The following SORCS2 variants were observed in gnomAD, a reference collection of about 807,000 sequenced individuals.
The protein encoded by SORCS2 is sortilin related VPS10 domain containing receptor 2.
A neutral mutation model predicts 141.6 loss-of-function variants in SORCS2; 100 were observed. That is an observed-to-expected ratio of 0.71 (90% confidence interval 0.60 to 0.83). The LOEUF (loss-of-function observed/expected upper bound fraction) is 0.83. SORCS2 is among the 40% of genes least tolerant of loss of function. The pLI is 0.00. For missense variants in SORCS2, 1,646 were observed against 1,560.2 expected, an observed-to-expected ratio of 1.05 and a Z score of -0.93; for synonymous variants, 789 against 676.9, an observed-to-expected ratio of 1.17 and a Z score of -2.57.
At chr4:7,656,299 C>T (rs139947412) in intron 5 of SORCS2, among the ~76,000 whole-genome samples, 5 of 152,094 alleles carry the variant, frequency 3.3e-5, no homozygotes, top group East Asian at 1.9e-4. Flanking sequence ...CGCGGGTACC[C>T]GCCCCCCACC....
At chr4:7,278,326 C>T (rs1172011098) in intron 1 of SORCS2, among the ~76,000 whole-genome samples, 1 of 152,220 alleles carries the variant, frequency 6.6e-6, no homozygotes, top group Non-Finnish European at 1.5e-5. Context: ...GACGAGTTCA[C>T]TGAGCGTGAC....
intron 1 of SORCS2, among the ~76,000 whole-genome samples, chr4:7,217,242 G>A (rs1177305079): frequency 6.6e-6 from 1 of 152,102 alleles, no homozygotes; most frequent in African/African-American, 2.4e-5. Flanking sequence ...CCTTTCTGGC[G>A]CTTGCCCCAC....
At chr4:7,640,040 TGTGTGAGA>T (rs1230942621) in intron 4 of SORCS2, among the ~76,000 whole-genome samples, 3 of 130,060 alleles carry the variant, frequency 2.3e-5, no homozygotes, top group East Asian at 2.3e-3. Flanking sequence ...TGAGTGTGCA[TGTGTGAGA>T]GTGTGAGTGT....
intron 2 of SORCS2, among the ~76,000 whole-genome samples, chr4:7,465,086 A>G (rs1729537940): frequency 6.6e-6 from 1 of 152,180 alleles, no homozygotes; most frequent in Admixed American, 6.5e-5. Context: ...TGAAGTGAGG[A>G]CAGTATTAGC....
At chr4:7,565,571 T>C (rs1299002800) in intron 3 of SORCS2, among the ~76,000 whole-genome samples, 2 of 152,142 alleles carry the variant, frequency 1.3e-5, no homozygotes, top group East Asian at 3.9e-4. Flanking sequence ...ATCACGATGA[T>C]GATGGTGATG....
intron 2 of SORCS2, among the ~76,000 whole-genome samples, chr4:7,410,944 C>G (rs1249941992): frequency 3.6e-5 from 5 of 137,036 alleles, no homozygotes; most frequent in Admixed American, 1.6e-4. Context: ...CCTCTTCTCT[C>G]CATCCTTTTT....
chr4:7,739,758 A>ACACCCGGCT (rs1306621906), intron 26 of SORCS2, among the ~76,000 whole-genome samples: 1 of 152,052 alleles, frequency 6.6e-6, no homozygotes, highest in African/African-American at 2.4e-5. Flanking sequence ...CCCACCCGGG[A>ACACCCGGCT]CACCCGGCTC....
At chr4:7,277,654 C>T (rs1715590637) in intron 1 of SORCS2, among the ~76,000 whole-genome samples, 1 of 130,222 alleles carries the variant, frequency 7.7e-6, no homozygotes, top group African/African-American at 2.9e-5. Flanking sequence ...CGGAACACCA[C>T]TCCCTCCGGA....
chr4:7,261,673 CG>C (rs1296917036), intron 1 of SORCS2, among the ~76,000 whole-genome samples: 14 of 152,324 alleles, frequency 9.2e-5, no homozygotes, highest in African/African-American at 3.4e-4. Context: ...TACAGCAGAT[CG>C]GGAATCAGGC....
At chr4:7,706,991 C>T (rs369856970) in intron 14 of SORCS2, among the ~76,000 whole-genome samples, 11 of 152,186 alleles carry the variant, frequency 7.2e-5, no homozygotes, top group Admixed American at 2.0e-4. Context: ...CCTCAACCAG[C>T]TCTGCTGCTT....
intron 1 of SORCS2, among the ~76,000 whole-genome samples, chr4:7,326,512 C>G (rs1056867731): frequency 6.6e-6 from 1 of 152,202 alleles, no homozygotes; most frequent in Non-Finnish European, 1.5e-5. Context: ...GGCATGGGAA[C>G]CTTGCCGAGG....
intron 2 of SORCS2, among the ~76,000 whole-genome samples, chr4:7,443,246 G>A (rs918327108): frequency 9.2e-5 from 14 of 152,180 alleles, no homozygotes; most frequent in Admixed American, 3.9e-4. Flanking sequence ...GATTCTGGGC[G>A]CTGGTGACCT....
At chr4:7,273,697 G>A (rs1174998628) in intron 1 of SORCS2, among the ~76,000 whole-genome samples, 1 of 152,246 alleles carries the variant, frequency 6.6e-6, no homozygotes, top group Non-Finnish European at 1.5e-5. Flanking sequence ...GCATCCTGAA[G>A]AGTGAATGCA....
intron 3 of SORCS2, among the ~76,000 whole-genome samples, chr4:7,582,990 T>C (rs1415927638): frequency 6.7e-6 from 1 of 149,650 alleles, no homozygotes; most frequent in Non-Finnish European, 1.5e-5. Context: ...ACTTGGCACA[T>C]AGTAGCTGTT....
rs1044219688 is a variant in SORCS2, at chr4:7,488,582, C to T, written c.549-42948C>T. On this transcript the variant is annotated intron_variant, in intron 2 of 26. Coordinates refer to ENST00000507866, the MANE Select transcript of SORCS2 (RefSeq NM_020777.3). ...ATCCTCCACAGCGACTTTCCCAGACCTTCCCTGCCTCTGTCCCCAGGACCT... is the reference window on the plus strand; with the variant it reads ...ATCCTCCACAGCGACTTTCCCAGACTTTCCCTGCCTCTGTCCCCAGGACCT... Among the ~76,000 whole-genome samples the T allele has an allele frequency of 1.5e-4, 23 of 152,378 alleles. No homozygotes were observed. The Middle Eastern group carries it at 0.017, about 113-fold the overall frequency.
Position 7,531,645 on chromosome 4 carries a change from G to A in SORCS2, c.648+16G>A. ...CAAGAGGAAGGTAGGTGCTGGCTGGGGGTGGCCGCCACTCTGGCTCTCGCC... is the reference window on the plus strand; with the variant it reads ...CAAGAGGAAGGTAGGTGCTGGCTGGAGGTGGCCGCCACTCTGGCTCTCGCC... On this transcript the variant is annotated intron_variant, in intron 3 of 26. Coordinates refer to ENST00000507866, the MANE Select transcript of SORCS2 (RefSeq NM_020777.3). 6.2e-7 allele frequency: 1 copy of A among 1,609,226 alleles called. No individual in the cohort carries two copies. Among genetic ancestry groups the A allele is most frequent in the African/African-American group, 1.3e-5 (1 of 74,988 alleles).
At chr4:7,245,340 T>C (rs1177636988) in intron 1 of SORCS2, among the ~76,000 whole-genome samples, 2 of 152,264 alleles carry the variant, frequency 1.3e-5, no homozygotes, top group Non-Finnish European at 2.9e-5. Context: ...TTCTCATCCC[T>C]GCTGCACACC....
chr4:7,417,406 G>C (rs1319687706), intron 2 of SORCS2, among the ~76,000 whole-genome samples: 1 of 152,152 alleles, frequency 6.6e-6, no homozygotes, highest in Admixed American at 6.5e-5. Flanking sequence ...TAGCACAGGG[G>C]CTAACACAGG....
intron 3 of SORCS2, among the ~76,000 whole-genome samples, chr4:7,603,289 C>T (rs1296761831): frequency 2.8e-5 from 4 of 143,648 alleles, no homozygotes; most frequent in Non-Finnish European, 4.6e-5. Context: ...CTCCCTGTTC[C>T]TTCTTGCATG....
Sources: gnomAD v4.1 joint callset for allele counts (sites outside exome capture counted in the v4.1 genomes callset) on GRCh38, gnomAD v4.1.1 for gene constraint, MANE v1.5 for transcripts, NCBI Gene and HGNC (gene_info 2026-07-23, HGNC 2026-07-21) for gene names.